Variants in DGKK observed in about 807,000 individuals in gnomAD.
DGKK encodes 142 kDa diacylglycerol kinase.
A neutral mutation model predicts 92.2 loss-of-function variants in DGKK; 35 were observed. The observed-to-expected ratio is 0.38, with a 90% CI of 0.29 to 0.50. DGKK has a LOEUF of 0.50. Ranked by LOEUF, DGKK falls within the 20% of genes least tolerant of loss-of-function variation. The pLI, the probability that DGKK is intolerant of heterozygous loss-of-function variation, is 0.92. For missense variants in DGKK, 910 were observed against 992.2 expected, an observed-to-expected ratio of 0.92 and a Z score of 1.11; for synonymous variants, 368 against 360.6, an observed-to-expected ratio of 1.02 and a Z score of -0.23.
intron 1 of DGKK, among the ~76,000 whole-genome samples, chrX:50,466,010 CTTT>C (rs1194066821): frequency 1.7e-5 from 1 of 58,337 alleles, no homozygotes; most frequent in Non-Finnish European, 3.0e-5. Flanking sequence ...TTTTCTTTTT[CTTT>C]TTTCTTTTTT....
At chrX:50,412,983 T>C (rs1212027866) in intron 4 of DGKK, among the ~76,000 whole-genome samples, 1 of 110,831 alleles carries the variant, frequency 9.0e-6, no homozygotes, top group Non-Finnish European at 1.9e-5. Flanking sequence ...TAGATTCTCA[T>C]AGGAGTGAGA....
chrX:50,378,566 G>A lies in DGKK; in HGVS notation c.2976+12C>T, dbSNP rs782283261. The A allele has an allele frequency of 8.4e-6, 10 of 1,188,298 alleles. No individual in the cohort carries two copies. Among genetic ancestry groups the A allele is most frequent in the Non-Finnish European group, 1.0e-5 (9 of 878,921 alleles). ...TCAGCCCCTTCCCAGTGCCCACCCA[G>A]CCCCTGCCTACCTGGGCAATGCGAT... On this transcript the variant is annotated intron_variant, in intron 21 of 27. Transcript: ENST00000611977.
At chrX:50,404,995 C>T (rs1458794586) in intron 4 of DGKK, among the ~76,000 whole-genome samples, 1 of 111,396 alleles carries the variant, frequency 9.0e-6, no homozygotes, top group Non-Finnish European at 1.9e-5. Context: ...GAATACCACG[C>T]TCTGACTGCC....
intron 1 of DGKK, among the ~76,000 whole-genome samples, chrX:50,459,141 T>C (rs1305690622): frequency 8.9e-6 from 1 of 111,824 alleles, no homozygotes. Context: ...CGATAATGCA[T>C]TCCCACCACA....
chrX:50,394,250 G>A (rs782694374), intron 8 of DGKK, among the ~76,000 whole-genome samples: 23 of 111,996 alleles, frequency 2.1e-4, no homozygotes, highest in Non-Finnish European at 4.3e-4. Context: ...GTGGGAGGAG[G>A]TGGGTTGAGA....
intron 1 of DGKK, among the ~76,000 whole-genome samples, chrX:50,463,594 C>T (rs1193968047): frequency 2.0e-5 from 2 of 98,637 alleles, no homozygotes; most frequent in Non-Finnish European, 4.1e-5. Flanking sequence ...TCCTTCTCCC[C>T]TCCTCCCTCC....
chrX:50,393,295 C>T lies in DGKK; in HGVS notation c.1452G>A (p.Trp484Ter), dbSNP rs1924748808. Residue 484 changes from tryptophan to a stop codon, truncating the protein, a stop_gained, in exon 9 of 28, where the codon TGG becomes TGA. Coordinates refer to ENST00000611977, the MANE Select transcript of DGKK (RefSeq NM_001013742.4). LOFTEE classifies it high-confidence loss of function. Reference protein sequence around the residue: ...VVSSDFWNLDWSSACSCPLLI... With the variant: ...VVSSDFWNLD Reference sequence around the variant, plus strand: ...GCAAGGGACATGAACAGGCTGATGACCAATCAAGATTCCAGAAGTCTGAAG... The same window carrying T: ...GCAAGGGACATGAACAGGCTGATGATCAATCAAGATTCCAGAAGTCTGAAG... The T allele has an allele frequency of 8.3e-7, 1 of 1,210,161 alleles. No individual in the cohort carries two copies. Among genetic ancestry groups the T allele is most frequent in the Non-Finnish European group, 1.1e-6 (1 of 894,803 alleles).
At chrX:50,431,857 C>A (rs1340251694) in intron 1 of DGKK, among the ~76,000 whole-genome samples, 5 of 111,669 alleles carry the variant, frequency 4.5e-5, no homozygotes, top group Non-Finnish European at 9.4e-5. Context: ...CCAGCACTTA[C>A]TAGCTGTGTG....
Position 50,366,837 on chromosome X carries a change from G to A in DGKK, c.*2103C>T, listed in dbSNP as rs1185303443. On this transcript the variant is annotated 3_prime_UTR_variant, in exon 28 of 28. Transcript: ENST00000611977. ...TGATTTCATCTAATACCTCCTCCTG[G>A]GAAGAAAGACTAATAACAGAGAAAG... The A allele has an allele frequency of 1.8e-5, 2 of 111,778 alleles. No individual in the cohort carries two copies. Among genetic ancestry groups the A allele is most frequent in the African/African-American group, 6.5e-5 (2 of 30,704 alleles). The allele number at this position is 111,778 out of a possible 1,213,427, so 9.2% of individuals were successfully genotyped here.
chrX:50,418,735 C>T (rs1925497885), intron 4 of DGKK, among the ~76,000 whole-genome samples: 1 of 111,318 alleles, frequency 9.0e-6, no homozygotes, highest in Non-Finnish European at 1.9e-5. Flanking sequence ...AGAGAGTAAA[C>T]AGGGAGATTT....
At chrX:50,392,566 G>A in intron 9 of DGKK, 117 bp from the exon 10 acceptor site, 1 of 543,277 alleles carries the variant, frequency 1.8e-6, no homozygotes, top group Non-Finnish European at 3.2e-6. Flanking sequence ...CAGACCACCT[G>A]CCTTCTTTCC....
At chrX:50,380,428 T>C (rs1015123481) in intron 18 of DGKK, among the ~76,000 whole-genome samples, 17 of 111,596 alleles carry the variant, frequency 1.5e-4, no homozygotes, top group African/African-American at 4.2e-4. Flanking sequence ...ACCCTAGTTG[T>C]GCTACTCCAG....
chrX:50,403,400 G>A, intron 6 of DGKK, 91 bp downstream of exon 6: 2 of 948,583 alleles, frequency 2.1e-6, no homozygotes, highest in Non-Finnish European at 3.0e-6. Context: ...TTGCTTATCT[G>A]GAGTTAGGAA....
rs782676273 is a variant in DGKK at position 50,424,286 on chromosome X, C to T, written c.718G>A (p.Val240Ile). 1.6e-5 allele frequency: 19 copies of T among 1,211,055 alleles called. No homozygotes were observed. The highest frequency in any genetic ancestry group is 2.3e-4 in the Middle Eastern group (1 of 4,350). ...GCAAAGTAGAGCTTCTGTCCTTGAACCAGAAAATATCTAAGCTTCCATCTC... is the reference window on the plus strand; with the variant it reads ...GCAAAGTAGAGCTTCTGTCCTTGAATCAGAAAATATCTAAGCTTCCATCTC... ...FKRWKLRYFL[V>I]QGQKLYFAHH... The change falls in exon 2 of 28, where the codon GTT (valine) becomes ATT (isoleucine). Residue 240 changes from valine (V) to isoleucine (I), a missense_variant. Val to Ile is a conservative substitution (Grantham distance 29, BLOSUM62 3). Coordinates refer to ENST00000611977, the MANE Select transcript of DGKK (RefSeq NM_001013742.4).
At chrX:50,435,038 CA>C (rs782191182) in intron 1 of DGKK, among the ~76,000 whole-genome samples, 1 of 112,277 alleles carries the variant, frequency 8.9e-6, no homozygotes, top group African/African-American at 3.2e-5. Flanking sequence ...TCTTAGGCTA[CA>C]AACCTGCACA....
intron 1 of DGKK, among the ~76,000 whole-genome samples, chrX:50,453,344 G>A (rs1480167731): frequency 9.0e-6 from 1 of 111,385 alleles, no homozygotes; most frequent in Non-Finnish European, 1.9e-5. Context: ...AATGAATATC[G>A]CTAATTACAG....
intron 1 of DGKK, among the ~76,000 whole-genome samples, chrX:50,430,517 C>T (rs782658569): frequency 3.6e-5 from 4 of 111,489 alleles, no homozygotes; most frequent in Non-Finnish European, 7.5e-5. Context: ...TCTATTGTCC[C>T]GAATTCAATC....
intron 12 of DGKK, 105 bp from the exon 13 acceptor site, chrX:50,388,723 G>A (rs1414541582): frequency 3.1e-5 from 15 of 491,782 alleles, no homozygotes; most frequent in Admixed American, 2.8e-4. Flanking sequence ...GACTCTACCC[G>A]CAACTCAACT....
At chrX:50,461,593 G>C (rs1282566083) in intron 1 of DGKK, among the ~76,000 whole-genome samples, 1 of 111,460 alleles carries the variant, frequency 9.0e-6, no homozygotes, top group African/African-American at 3.3e-5. Context: ...TATTAATAGT[G>C]AATACCTTGG....
Sources: allele counts gnomAD v4.1 joint callset (sites outside exome capture counted in the v4.1 genomes callset), GRCh38; gene constraint gnomAD v4.1.1; transcripts MANE v1.5; gene names NCBI Gene and HGNC (gene_info 2026-07-23, HGNC 2026-07-21).